IL6R: variants seen among roughly 807,000 people sequenced by gnomAD.
IL6R encodes interleukin-6 receptor subunit alpha.
Under a neutral mutation model 48.3 loss-of-function variants are expected in IL6R, and 38 were observed. The ratio of observed to expected loss-of-function variants is 0.79; its 90% CI spans 0.61 to 1.03. The LOEUF (loss-of-function observed/expected upper bound fraction) is 1.03, where lower values mean the gene tolerates loss of function less well. Among genes scored for constraint, IL6R ranks in the 50% least tolerant of loss-of-function variants. The probability of loss-of-function intolerance (pLI) is 0.00; values close to 1 mark genes in which losing one functional copy is unlikely to be tolerated. For synonymous variants in IL6R, 264 were observed against 256.2 expected, an observed-to-expected ratio of 1.03 and a Z score of -0.29; for missense variants, 534 against 618.3, an observed-to-expected ratio of 0.86 and a Z score of 1.45.
At chr1:154,457,894 A>G (rs1690979918) in intron 9 of IL6R, among the ~76,000 whole-genome samples, 1 of 152,168 alleles carries the variant, frequency 6.6e-6, no homozygotes, top group Admixed American at 6.5e-5. Flanking sequence ...GTGTGGGTTG[A>G]AAGATTAGCA....
intron 6 of IL6R, among the ~76,000 whole-genome samples, chr1:154,447,686 TTTTTG>T (rs527467504): frequency 0.017 from 2,460 of 148,380 alleles, 41 homozygotes; most frequent in African/African-American, 0.049. Context: ...AGCATGCTGT[TTTTTG>T]TTTTGTTTTG....
At chr1:154,435,243 C>G in intron 5 of IL6R, 87 bp downstream of exon 5, 1 of 1,280,678 alleles carries the variant, frequency 7.8e-7, no homozygotes, top group Non-Finnish European at 1.1e-6. Context: ...GGCATGGTGG[C>G]TCACGCCTGT....
chr1:154,426,108 C>CACACACACACACACAT (rs1491495244), intron 1 of IL6R, among the ~76,000 whole-genome samples: 2 of 132,382 alleles, frequency 1.5e-5, no homozygotes, highest in African/African-American at 5.4e-5. Context: ...CACACACACA[C>CACACACACACACACAT]ATATACACAC....
In IL6R at chr1:154,428,898, G is replaced by A. The variant is rs145613905; in HGVS notation, c.86-298G>A. Among the ~76,000 whole-genome samples the A allele has an allele frequency of 1.4e-3, 211 of 152,290 alleles. 1 individual carries two copies. The highest frequency in any genetic ancestry group is 4.3e-3 in the African/African-American group (179 of 41,558). ...CCTCCAAGGACAGAAGGGCCCTGCA[G>A]GCCACGCTGAGGAGCTTGGACTTCA... On this transcript the variant is annotated intron_variant, in intron 1 of 9. Transcript: ENST00000368485.
At position 154,434,678 on chromosome 1, in the gene IL6R, A is replaced by G. The variant is rs1363039654; in HGVS notation, c.618A>G (p.Gln206=). The stretch of plus-strand genomic sequence containing the variant: ...TCGGGAGCAAGTTCAGCAAAACTCA[A>G]ACCTTTCAGGGTTGTGGAATCTGTA... ...SSVGSKFSKT[Q]TFQGCGILQP... The change falls in exon 4 of 10, where the codon CAA becomes CAG. Residue 206 remains glutamine, a synonymous_variant. Coordinates refer to ENST00000368485, the MANE Select transcript of IL6R (RefSeq NM_000565.4). The G allele has an allele frequency of 4.3e-6, 7 of 1,613,970 alleles. No individual in the cohort carries two copies. The highest frequency in any genetic ancestry group is 4.5e-5 in the East Asian group (2 of 44,892).
At chr1:154,413,069 T>C (rs867876013) in intron 1 of IL6R, among the ~76,000 whole-genome samples, 4 of 151,902 alleles carry the variant, frequency 2.6e-5, no homozygotes, top group African/African-American at 9.7e-5. Context: ...TGGCACGATG[T>C]TGGCTCACTG....
rs912663203 is a variant in IL6R at position 154,405,944 on chromosome 1, C to T, written c.85+230C>T. Among the ~76,000 whole-genome samples, 5 of 152,176 alleles carry T rather than the reference C, an allele frequency of 3.3e-5. No homozygotes were observed. Among genetic ancestry groups the T allele is most frequent in the Non-Finnish European group, 1.5e-5 (1 of 68,014 alleles). ...GGTCCGGAGCGCTCCCCGGAATGCC[C>T]GGTGAAGCTGTGCGGGAACCCTGCG... On this transcript the variant is annotated intron_variant, in intron 1 of 9. Coordinates refer to ENST00000368485, the MANE Select transcript of IL6R (RefSeq NM_000565.4). The surrounding 1 kb of genome is among the most constrained non-coding windows in gnomAD (Gnocchi z 5.2).
intron 1 of IL6R, 35 bp from the exon 2 acceptor site, chr1:154,429,161 C>T (rs778598316): frequency 1.0e-5 from 16 of 1,592,358 alleles, no homozygotes. Context: ...TCTTCAGTGG[C>T]TGTGGGCTCA....
chr1:154,424,964 T>C (rs993421038), intron 1 of IL6R, among the ~76,000 whole-genome samples: 7 of 151,660 alleles, frequency 4.6e-5, no homozygotes, highest in African/African-American at 1.7e-4. Flanking sequence ...CATGAGAGGG[T>C]TGTGATTGAT....
chr1:154,450,102 T>TTG, intron 8 of IL6R, 122 bp downstream of exon 8: 3 of 463,488 alleles, frequency 6.5e-6, no homozygotes, highest in South Asian at 3.7e-5. Flanking sequence ...CGCAGAAATG[T>TTG]TCTGTGTGTG....
chr1:154,410,288 G>A (rs539887307), intron 1 of IL6R, among the ~76,000 whole-genome samples: 5 of 150,282 alleles, frequency 3.3e-5, no homozygotes, highest in Admixed American at 6.7e-5. Flanking sequence ...TCTTACTCCC[G>A]TAGCCCAGGT....
At chr1:154,416,062 T>C (rs1259178325) in intron 1 of IL6R, among the ~76,000 whole-genome samples, 1 of 152,234 alleles carries the variant, frequency 6.6e-6, no homozygotes, top group Non-Finnish European at 1.5e-5. Context: ...CTTTCTAGTC[T>C]CTTCCATAAT....
Position 154,469,208 on chromosome 1 carries a change from C to T in IL6R, c.*3828C>T, listed in dbSNP as rs909326676. The T allele has an allele frequency of 1.3e-5, 2 of 152,162 alleles. No homozygotes were observed. The highest frequency in any genetic ancestry group is 2.9e-5 in the Non-Finnish European group (2 of 68,024). 9.4% of individuals were successfully genotyped at this position (152,162 alleles called of 1,614,324 possible). A position where few individuals can be genotyped will look rare whatever the true frequency, so the allele number is the denominator to read the frequency against. ...CAAGGCTGTTAATTAACAGAGAGAC[C>T]TTATTGGATGGAGATCACATCTGTT... On this transcript the variant is annotated 3_prime_UTR_variant, in exon 10 of 10. Coordinates refer to ENST00000368485, the MANE Select transcript of IL6R (RefSeq NM_000565.4).
At chr1:154,435,475 C>CTCCA (rs897557951) in intron 5 of IL6R, among the ~76,000 whole-genome samples, 7 of 150,384 alleles carry the variant, frequency 4.7e-5, no homozygotes, top group Non-Finnish European at 8.8e-5. Flanking sequence ...CACCACTGCA[C>CTCCA]TCCAGCCTGG....
At chr1:154,448,623 G>T (rs1015700276) in intron 7 of IL6R, among the ~76,000 whole-genome samples, 2 of 152,132 alleles carry the variant, frequency 1.3e-5, no homozygotes, top group Non-Finnish European at 2.9e-5. Context: ...TAAATGCTAA[G>T]CTGGGAGTCA....
At chr1:154,459,994 G>A (rs1008420381) in intron 9 of IL6R, among the ~76,000 whole-genome samples, 1 of 152,076 alleles carries the variant, frequency 6.6e-6, no homozygotes, top group Non-Finnish European at 1.5e-5. Context: ...ATGGTGTTCC[G>A]GGCCATGGAG....
chr1:154,468,024 C>T lies in IL6R; in HGVS notation c.*2644C>T, dbSNP rs78795257. Reference sequence around the variant, plus strand: ...CCAAGAGCTAGGCAGCTTTGATCTCCAAATTGTTATTGCTTTCATTTTTAT... The same window carrying T: ...CCAAGAGCTAGGCAGCTTTGATCTCTAAATTGTTATTGCTTTCATTTTTAT... On this transcript the variant is annotated 3_prime_UTR_variant, in exon 10 of 10. Transcript: ENST00000368485. 85 of 152,286 alleles carry T rather than the reference C, an allele frequency of 5.6e-4. No individual in the cohort carries two copies. Among genetic ancestry groups the T allele is most frequent in the African/African-American group, 1.9e-3 (79 of 41,554 alleles). The allele number at this position is 152,286 out of a possible 1,614,324, so 9.4% of individuals were successfully genotyped here. A position where few individuals can be genotyped will look rare whatever the true frequency, so the allele number is the denominator to read the frequency against.
intron 8 of IL6R, among the ~76,000 whole-genome samples, chr1:154,453,061 C>T (rs552185056): frequency 7.9e-5 from 12 of 151,950 alleles, no homozygotes; most frequent in South Asian, 2.1e-4. Flanking sequence ...AAAAATTAGC[C>T]GGGCATGGTG....
At chr1:154,436,435 G>A (rs1037774341) in intron 6 of IL6R, among the ~76,000 whole-genome samples, 4 of 152,278 alleles carry the variant, frequency 2.6e-5, no homozygotes, top group South Asian at 2.1e-4. Flanking sequence ...CCGAAATCGC[G>A]CCACTGCACT....
Sources: allele counts gnomAD v4.1 joint callset (sites outside exome capture counted in the v4.1 genomes callset), GRCh38; gene constraint gnomAD v4.1.1; non-coding constraint Gnocchi (gnomAD v3.1); transcripts MANE v1.5; gene names NCBI Gene and HGNC (gene_info 2026-07-23, HGNC 2026-07-21).